CDK5RAP2: variants seen among roughly 807,000 people sequenced by gnomAD.
CDK5RAP2 encodes the protein CDK5 regulatory subunit-associated protein 2.
Under a neutral mutation model 232.9 loss-of-function variants are expected in CDK5RAP2, and 147 were observed. The ratio of observed to expected loss-of-function variants is 0.63; its 90% CI spans 0.55 to 0.72. The LOEUF is 0.72. Ranked by LOEUF, CDK5RAP2 falls within the 30% of genes least tolerant of loss-of-function variation. The pLI, the probability that CDK5RAP2 is intolerant of heterozygous loss-of-function variation, is 0.00. For missense variants in CDK5RAP2, 2,195 were observed against 2,231.5 expected, an observed-to-expected ratio of 0.98 and a Z score of 0.33; for synonymous variants, 833 against 833.7, an observed-to-expected ratio of 1.00 and a Z score of 0.01.
intron 12 of CDK5RAP2, among the ~76,000 whole-genome samples, chr9:120,496,693 G>C (rs2039277371): frequency 7.7e-6 from 1 of 130,616 alleles, no homozygotes; most frequent in Admixed American, 7.1e-5. Context: ...AGGTGGGGGG[G>C]TCAGCCCCCT....
At chr9:120,492,431 T>A (rs1251903812) in intron 12 of CDK5RAP2, among the ~76,000 whole-genome samples, 1 of 152,110 alleles carries the variant, frequency 6.6e-6, no homozygotes, top group Non-Finnish European at 1.5e-5. Flanking sequence ...GCCTATAAGG[T>A]ATAAGAGAGA....
chr9:120,470,233 G>C lies in CDK5RAP2; in HGVS notation c.1859-13C>G. On this transcript the variant is annotated splice_polypyrimidine_tract_variant and intron_variant, in intron 16 of 37. Transcript: ENST00000349780. ...GAAAATGATTCTTCTGCCCAAAAAA[G>C]AAAAAAAAAAGGTGGGGAGGGGGAG... The C allele has an allele frequency of 6.8e-6, 7 of 1,024,790 alleles. No individual in the cohort carries two copies. Among genetic ancestry groups the C allele is most frequent in the Non-Finnish European group, 6.7e-6 (5 of 742,908 alleles). 63.5% of individuals were successfully genotyped at this position (1,024,790 alleles called of 1,614,324 possible).
chr9:120,542,201 T>C (rs1026361199), intron 5 of CDK5RAP2, among the ~76,000 whole-genome samples: 4 of 152,210 alleles, frequency 2.6e-5, no homozygotes, highest in African/African-American at 9.6e-5. Flanking sequence ...GCTAGGAAGC[T>C]AGGGTTAAAG....
chr9:120,474,463 G>A (rs962048408), intron 15 of CDK5RAP2, among the ~76,000 whole-genome samples: 1 of 152,120 alleles, frequency 6.6e-6, no homozygotes, highest in African/African-American at 2.4e-5. Context: ...ATCTTACAAA[G>A]CACAGGACAT....
At chr9:120,413,552 C>T (rs968683935) in intron 28 of CDK5RAP2, among the ~76,000 whole-genome samples, 3 of 152,206 alleles carry the variant, frequency 2.0e-5, no homozygotes, top group Non-Finnish European at 4.4e-5. Flanking sequence ...TAAACCTTCC[C>T]GTCAGAGTGA....
Position 120,439,598 on chromosome 9 carries a change from G to C in CDK5RAP2, c.3523C>G (p.His1175Asp). The change falls in exon 24 of 38, where the codon CAC becomes GAC. Residue 1175 changes from histidine (H) to aspartate (D), a missense_variant. His to Asp is a moderately conservative substitution (Grantham distance 81). Coordinates refer to ENST00000349780, the MANE Select transcript of CDK5RAP2 (RefSeq NM_018249.6). ...DGEEMTFSSL[H>D]QVRYVKHVKI... is the part of the protein sequence containing the mutation. Reference sequence around the variant, plus strand: ...ACGTGTTTCACGTATCGCACTTGGTGCAAACTTGAAAAGGTCATTTCTTCC... The same window carrying C: ...ACGTGTTTCACGTATCGCACTTGGTCCAAACTTGAAAAGGTCATTTCTTCC... 6.2e-7 allele frequency: 1 copy of C among 1,614,192 alleles called. No homozygotes were observed. Among genetic ancestry groups the C allele is most frequent in the Non-Finnish European group, 8.5e-7 (1 of 1,180,028 alleles).
intron 17 of CDK5RAP2, 65 bp downstream of exon 17, chr9:120,470,046 C>T: frequency 1.2e-6 from 1 of 832,402 alleles, no homozygotes; most frequent in East Asian, 2.6e-5. Flanking sequence ...TCATGAGGAA[C>T]CCAAGATACA....
intron 4 of CDK5RAP2, among the ~76,000 whole-genome samples, chr9:120,549,443 G>T (rs1015005672): frequency 6.6e-6 from 1 of 152,160 alleles, no homozygotes; most frequent in African/African-American, 2.4e-5. Flanking sequence ...ACTGAAGAAA[G>T]GGGCAATGAA....
chr9:120,422,509 C>G (rs180856343), intron 26 of CDK5RAP2, among the ~76,000 whole-genome samples, 184 bp downstream of exon 26: 9 of 152,300 alleles, frequency 5.9e-5, no homozygotes, highest in Non-Finnish European at 1.0e-4. Context: ...ATGAAAGCAA[C>G]AGGACATATG....
intron 12 of CDK5RAP2, among the ~76,000 whole-genome samples, chr9:120,515,587 G>A (rs1364428248): frequency 2.0e-5 from 3 of 152,088 alleles, no homozygotes; most frequent in South Asian, 4.1e-4. Flanking sequence ...ATAAACTAGT[G>A]CACTCTAACA....
rs774003204 is a variant in CDK5RAP2, at chr9:120,419,774, G to A, written c.4177+14C>T. 1 of 1,603,256 alleles carries A rather than the reference G, an allele frequency of 6.2e-7. No individual in the cohort carries two copies. Among genetic ancestry groups the A allele is most frequent in the Non-Finnish European group, 8.5e-7 (1 of 1,170,186 alleles). On this transcript the variant is annotated intron_variant, in intron 27 of 37. Transcript: ENST00000349780. Reference sequence around the variant, plus strand: ...TCAGGCCATGTTTAAAACACTTAATGAGGCTTAGCTTACCTTGAGAAAAAC... The same window carrying A: ...TCAGGCCATGTTTAAAACACTTAATAAGGCTTAGCTTACCTTGAGAAAAAC...
intron 21 of CDK5RAP2, among the ~76,000 whole-genome samples, chr9:120,452,589 T>C (rs1335676835): frequency 6.6e-6 from 1 of 150,978 alleles, no homozygotes; most frequent in Non-Finnish European, 1.5e-5. Flanking sequence ...TTCTTGGCCG[T>C]GGGGGGGTCA....
chr9:120,491,360 G>C lies in CDK5RAP2; in HGVS notation c.1429C>G (p.Gln477Glu). ...CTTTCTGTTAGATGTTTGATCACTT[G>C]CTCTTGATTGTGCAATTTTTTATTG... ...ESNKKLHNQE[Q>E]VIKHLTESTN... Residue 477 changes from glutamine (Q) to glutamate (E), a missense_variant, in exon 13 of 38, where the codon CAA becomes GAA. By Grantham distance (29) the Gln-to-Glu change is conservative. Transcript: ENST00000349780. 6.2e-7 allele frequency: 1 copy of C among 1,613,268 alleles called. No homozygotes were observed. Among genetic ancestry groups the C allele is most frequent in the Non-Finnish European group, 8.5e-7 (1 of 1,179,440 alleles).
chr9:120,574,655 G>C (rs1404366524), intron 1 of CDK5RAP2, among the ~76,000 whole-genome samples: 2 of 152,136 alleles, frequency 1.3e-5, no homozygotes, highest in Admixed American at 1.3e-4. Flanking sequence ...CCTTGTATGG[G>C]GCACCCATGC....
chr9:120,490,693 G>A (rs1260773561), intron 13 of CDK5RAP2, among the ~76,000 whole-genome samples: 4 of 151,664 alleles, frequency 2.6e-5, no homozygotes, highest in Non-Finnish European at 4.4e-5. Context: ...TACCTCTTTC[G>A]TCTACAAGCC....
intron 7 of CDK5RAP2, among the ~76,000 whole-genome samples, chr9:120,530,962 A>T (rs1362041605): frequency 2.6e-5 from 4 of 152,042 alleles, no homozygotes; most frequent in African/African-American, 9.6e-5. Flanking sequence ...CATATGTAAC[A>T]AACCTGCATG....
chr9:120,569,637 A>C (rs1417666089), intron 2 of CDK5RAP2, among the ~76,000 whole-genome samples: 2 of 152,188 alleles, frequency 1.3e-5, no homozygotes, highest in Non-Finnish European at 2.9e-5. Context: ...GGATAGCAGG[A>C]CTGGAGGTGA....
Position 120,525,087 on chromosome 9 carries a change from A to G in CDK5RAP2, c.1000-9T>C. On this transcript the variant is annotated splice_polypyrimidine_tract_variant and intron_variant, in intron 10 of 37. Coordinates refer to ENST00000349780, the MANE Select transcript of CDK5RAP2 (RefSeq NM_018249.6). ...GAGTTAAGTTCTTCAACCTGGGGAA[A>G]AATAATGAATACCAGCCAAGTATGT... The G allele has an allele frequency of 6.2e-7, 1 of 1,609,126 alleles. No homozygotes were observed. Among genetic ancestry groups the G allele is most frequent in the Non-Finnish European group, 8.5e-7 (1 of 1,175,502 alleles).
At chr9:120,566,664 C>A (rs2042657837) in intron 3 of CDK5RAP2, among the ~76,000 whole-genome samples, 1 of 152,226 alleles carries the variant, frequency 6.6e-6, no homozygotes, top group South Asian at 2.1e-4. Flanking sequence ...GTACTGTTAT[C>A]ATGCCCATTG....
Sources: gnomAD v4.1 joint callset for allele counts (sites outside exome capture counted in the v4.1 genomes callset) on GRCh38, gnomAD v4.1.1 for gene constraint, MANE v1.5 for transcripts, NCBI Gene and HGNC (gene_info 2026-07-23, HGNC 2026-07-21) for gene names.